Variants in LUZP2 observed in about 807,000 individuals in gnomAD.
LUZP2 encodes leucine zipper protein 2.
LUZP2 carries 52 observed loss-of-function variants against 51.6 expected under a neutral mutation model. The observed-to-expected ratio is 1.01, with a 90% CI of 0.81 to 1.27. The LOEUF is 1.27. Among genes scored for constraint, LUZP2 ranks in the 50% most tolerant of loss-of-function variants. LUZP2 has a pLI of 0.00. For synonymous variants in LUZP2, 154 were observed against 137.3 expected, an observed-to-expected ratio of 1.12 and a Z score of -0.85; for missense variants, 436 against 395.4, an observed-to-expected ratio of 1.10 and a Z score of -0.87.
intron 9 of LUZP2, among the ~76,000 whole-genome samples, chr11:25,043,951 A>T (rs984988004): frequency 1.2e-4 from 15 of 127,188 alleles, no homozygotes; most frequent in Admixed American, 2.4e-4. Flanking sequence ...CATATATCTG[A>T]TATATATATA....
intron 1 of LUZP2, among the ~76,000 whole-genome samples, chr11:24,682,759 A>T (rs1250319580): frequency 6.6e-6 from 1 of 151,936 alleles, no homozygotes; most frequent in East Asian, 2.0e-4. Flanking sequence ...TAATCCCAGC[A>T]CGTTGGGAGG....
intron 6 of LUZP2, among the ~76,000 whole-genome samples, chr11:24,906,321 A>G (rs1565088890): frequency 6.7e-6 from 1 of 149,546 alleles, no homozygotes; most frequent in African/African-American, 2.5e-5. Flanking sequence ...TATCTGGACT[A>G]TCAGAACTTC....
chr11:24,640,718 A>G (rs1224855407), intron 1 of LUZP2, among the ~76,000 whole-genome samples: 2 of 151,912 alleles, frequency 1.3e-5, no homozygotes, highest in Non-Finnish European at 2.9e-5. Flanking sequence ...GAGGATTCAT[A>G]GGATGTTATG....
chr11:24,754,817 A>G (rs1274528275), intron 4 of LUZP2, among the ~76,000 whole-genome samples: 1 of 152,150 alleles, frequency 6.6e-6, no homozygotes, highest in Non-Finnish European at 1.5e-5. Context: ...TCCTGCATCA[A>G]TGCAAACATG....
At chr11:24,711,556 T>C (rs1857829253) in intron 1 of LUZP2, among the ~76,000 whole-genome samples, 2 of 152,158 alleles carry the variant, frequency 1.3e-5, no homozygotes, top group Admixed American at 1.3e-4. Context: ...CTGTGAAAGA[T>C]GATTATGCGG....
chr11:24,919,922 A>G lies in LUZP2; in HGVS notation c.522+5384A>G, dbSNP rs184258423. Among the ~76,000 whole-genome samples the G allele has an allele frequency of 3.2e-3, 484 of 151,872 alleles. 3 individuals are homozygous for G. The highest frequency in any genetic ancestry group is 0.011 in the African/African-American group (446 of 41,546). ...ATACTGGATGTTTTATTAAAGAAAC[A>G]AAAATAAATAATTGGTTAGCTAAGA... is the stretch of plus-strand genomic sequence containing the variant. On this transcript the variant is annotated intron_variant, in intron 7 of 11. Transcript: ENST00000336930.
At chr11:24,827,174 T>G (rs914223029) in intron 5 of LUZP2, among the ~76,000 whole-genome samples, 2 of 152,260 alleles carry the variant, frequency 1.3e-5, no homozygotes, top group African/African-American at 2.4e-5. Flanking sequence ...GCATATTCAG[T>G]TGAGGGACCT....
chr11:24,712,371 C>T (rs762206410), intron 1 of LUZP2, among the ~76,000 whole-genome samples: 4 of 151,986 alleles, frequency 2.6e-5, no homozygotes, highest in Non-Finnish European at 4.4e-5. Context: ...TATCACTCCA[C>T]TGCACTTCAG....
intron 4 of LUZP2, among the ~76,000 whole-genome samples, chr11:24,746,611 T>C (rs2134000074): frequency 6.6e-6 from 1 of 152,300 alleles, no homozygotes; most frequent in Non-Finnish European, 1.5e-5. Flanking sequence ...AGCAAGGCTA[T>C]GGAAGTTTTC....
chr11:24,961,667 T>C (rs1038890290), intron 7 of LUZP2, among the ~76,000 whole-genome samples: 1 of 152,122 alleles, frequency 6.6e-6, no homozygotes, highest in Non-Finnish European at 1.5e-5. Flanking sequence ...GGTTTCCTGA[T>C]TATAGCTCAT....
At chr11:24,570,330 A>T (rs954729816) in intron 1 of LUZP2, among the ~76,000 whole-genome samples, 1 of 152,010 alleles carries the variant, frequency 6.6e-6, no homozygotes, top group East Asian at 1.9e-4. Context: ...GCAAAAATAA[A>T]TTTTTTGATG....
At chr11:24,633,958 G>A (rs201036292) in intron 1 of LUZP2, among the ~76,000 whole-genome samples, 4,017 of 134,906 alleles carry the variant, frequency 0.03, 66 homozygotes, top group Middle Eastern at 0.071. Flanking sequence ...GTGTGTGTGT[G>A]TGTGTGTATA....
At chr11:24,727,701 A>G (rs978694290) in intron 1 of LUZP2, among the ~76,000 whole-genome samples, 2 of 152,034 alleles carry the variant, frequency 1.3e-5, no homozygotes, top group African/African-American at 2.4e-5. Flanking sequence ...TTGGGGCATT[A>G]ATAATTGTCT....
intron 5 of LUZP2, among the ~76,000 whole-genome samples, chr11:24,799,239 C>A (rs902434144): frequency 6.6e-6 from 1 of 152,066 alleles, no homozygotes; most frequent in South Asian, 2.1e-4. Flanking sequence ...AAAGTATTAC[C>A]TTAATATAGA....
chr11:24,953,192 A>G (rs527495764), intron 7 of LUZP2, among the ~76,000 whole-genome samples: 1 of 152,068 alleles, frequency 6.6e-6, no homozygotes, highest in South Asian at 2.1e-4. Context: ...CTTAGTAGAA[A>G]ACAATTTTTG....
At chr11:25,004,677 ATGG>A (rs1311139833) in intron 9 of LUZP2, among the ~76,000 whole-genome samples, 4 of 152,162 alleles carry the variant, frequency 2.6e-5, no homozygotes, top group African/African-American at 9.7e-5. Context: ...TCCCTGAATT[ATGG>A]TGGACATCAT....
chr11:25,008,040 C>T (rs185963705), intron 9 of LUZP2, among the ~76,000 whole-genome samples: 1 of 152,154 alleles, frequency 6.6e-6, no homozygotes, highest in Admixed American at 6.5e-5. Context: ...ATAGAAATGA[C>T]ACAGGATCCT....
intron 9 of LUZP2, among the ~76,000 whole-genome samples, chr11:24,988,009 G>C (rs1436909295): frequency 6.6e-6 from 1 of 151,974 alleles, no homozygotes; most frequent in African/African-American, 2.4e-5. Flanking sequence ...TTAGAGCCAA[G>C]GTTGAACATG....
chr11:24,941,030 C>T (rs1353267510), intron 7 of LUZP2, among the ~76,000 whole-genome samples: 1 of 152,010 alleles, frequency 6.6e-6, no homozygotes, highest in East Asian at 1.9e-4. Context: ...TGCTCTTAGG[C>T]AAGCTGGAAA....
Sources: gnomAD v4.1 joint callset for allele counts (sites outside exome capture counted in the v4.1 genomes callset) on GRCh38, gnomAD v4.1.1 for gene constraint, MANE v1.5 for transcripts, NCBI Gene and HGNC (gene_info 2026-07-23, HGNC 2026-07-21) for gene names.